Variants in ABCB7 observed in about 807,000 individuals in gnomAD.
The protein encoded by ABCB7 is iron-sulfur clusters transporter ABCB7, mitochondrial.
A neutral mutation model predicts 54.4 loss-of-function variants in ABCB7; 7 were observed. The ratio of observed to expected loss-of-function variants is 0.13; its 90% CI spans 0.07 to 0.24. The LOEUF (loss-of-function observed/expected upper bound fraction) is 0.24, where lower values mean the gene tolerates loss of function less well. ABCB7 is among the 10% of genes least tolerant of loss of function. The pLI is 1.00. For missense variants in ABCB7, 356 were observed against 570.4 expected (o/e 0.62, Z 3.83); for synonymous variants, 218 against 207.1 (o/e 1.05, Z -0.45).
intron 1 of ABCB7, among the ~76,000 whole-genome samples, chrX:75,142,564 T>C (rs1321059439): frequency 8.9e-6 from 1 of 111,916 alleles, no homozygotes; most frequent in African/African-American, 3.2e-5. Context: ...TTGCATACTT[T>C]CAAAGAATCT....
chrX:75,108,261 C>T (rs1050651495), intron 3 of ABCB7, among the ~76,000 whole-genome samples: 1 of 111,249 alleles, frequency 9.0e-6, no homozygotes, highest in Non-Finnish European at 1.9e-5. Flanking sequence ...CCATGCAAGG[C>T]CTGGGGGAAC....
intron 4 of ABCB7, among the ~76,000 whole-genome samples, chrX:75,079,160 T>C (rs1192290808): frequency 8.9e-6 from 1 of 112,038 alleles, no homozygotes; most frequent in Non-Finnish European, 1.9e-5. Context: ...GACGTGTGAG[T>C]GTCATCTGCA....
chrX:75,119,556 G>A (rs959539464), intron 1 of ABCB7, among the ~76,000 whole-genome samples: 25 of 111,949 alleles, frequency 2.2e-4, no homozygotes, highest in Non-Finnish European at 3.6e-4. Flanking sequence ...GGGTAGATAC[G>A]TCTATAAGGT....
chrX:75,126,975 A>C, intron 1 of ABCB7, among the ~76,000 whole-genome samples: 1 of 111,587 alleles, frequency 9.0e-6, no homozygotes, highest in Non-Finnish European at 1.9e-5. Flanking sequence ...ATTCTACCCG[A>C]GGTACAAAGA....
Position 75,071,654 on chromosome X carries a change from C to G in ABCB7, c.1062G>C (p.Gln354His). The G allele has an allele frequency of 8.4e-7, 1 of 1,192,005 alleles. No homozygotes were observed. Among genetic ancestry groups the G allele is most frequent in the Non-Finnish European group, 1.1e-6 (1 of 878,771 alleles). The change falls in exon 9 of 16, where the codon CAG becomes CAC. Residue 354 changes from glutamine (Q) to histidine (H), a missense_variant. Coordinates refer to ENST00000373394, the MANE Select transcript of ABCB7 (RefSeq NM_001271696.3). ...ACGTCTTCAAAAATCCATCATATCT[C>G]TGTGCTTCATATCTTTCATTATTAA... is the stretch of plus-strand genomic sequence containing the variant. ...KYFNNERYEAQRYDGFLKTYE... is the reference protein window; with the variant it reads ...KYFNNERYEAHRYDGFLKTYE...
At chrX:75,081,309 T>C (rs1354841920) in intron 4 of ABCB7, among the ~76,000 whole-genome samples, 1 of 111,398 alleles carries the variant, frequency 9.0e-6, no homozygotes, top group East Asian at 2.8e-4. Context: ...GGAATATTTA[T>C]GAACATGCTT....
chrX:75,136,649 A>C (rs189706490), intron 1 of ABCB7, among the ~76,000 whole-genome samples: 2 of 111,938 alleles, frequency 1.8e-5, no homozygotes, highest in East Asian at 5.6e-4. Context: ...CTACAAGGCT[A>C]TAGTAACTAA....
At chrX:75,119,691 T>A (rs2147533258) in intron 1 of ABCB7, among the ~76,000 whole-genome samples, 1 of 112,075 alleles carries the variant, frequency 8.9e-6, no homozygotes, top group Admixed American at 9.4e-5. Flanking sequence ...TTCTTTGGGC[T>A]GTATTTATAT....
chrX:75,055,711 G>T (rs1361210487), intron 15 of ABCB7, among the ~76,000 whole-genome samples: 1 of 110,174 alleles, frequency 9.1e-6, no homozygotes, highest in African/African-American at 3.3e-5. Flanking sequence ...ATCCAATCAG[G>T]ATCAACACAT....
chrX:75,139,867 T>C (rs1372206750), intron 1 of ABCB7, among the ~76,000 whole-genome samples: 1 of 111,975 alleles, frequency 8.9e-6, no homozygotes, highest in African/African-American at 3.2e-5. Flanking sequence ...TTTTAATGCA[T>C]TGTGAAGATG....
chrX:75,094,048 A>ATATATATATCTATC (rs1569229132), intron 4 of ABCB7, among the ~76,000 whole-genome samples: 1 of 22,727 alleles, frequency 4.4e-5, no homozygotes, highest in African/African-American at 6.0e-5. Context: ...ATATATATAT[A>ATATATATATCTATC]TATATCTATC....
At chrX:75,121,073 G>A (rs2147535403) in intron 1 of ABCB7, among the ~76,000 whole-genome samples, 1 of 110,188 alleles carries the variant, frequency 9.1e-6, no homozygotes, top group Non-Finnish European at 1.9e-5. Flanking sequence ...CGGATCACTT[G>A]GGGTCAGGAG....
chrX:75,133,145 T>C (rs1195276394), intron 1 of ABCB7, among the ~76,000 whole-genome samples: 2 of 111,990 alleles, frequency 1.8e-5, no homozygotes, highest in Non-Finnish European at 3.8e-5. Flanking sequence ...AGAACCAAAA[T>C]GAGCTAAATA....
intron 12 of ABCB7, among the ~76,000 whole-genome samples, chrX:75,066,688 TTAAA>T (rs66875277): frequency 0.12 from 13,580 of 110,586 alleles, 1,529 homozygotes; most frequent in East Asian, 0.9. Flanking sequence ...AAATTAAACT[TTAAA>T]TAATCCATAT....
In ABCB7 at chrX:75,151,943, C is replaced by G. The variant is rs141812258; in HGVS notation, c.168+4162G>C. 8.2e-3 allele frequency among the ~76,000 whole-genome samples: 908 copies of G among 111,168 alleles called. 11 individuals are homozygous for G. The highest frequency in any genetic ancestry group is 0.027 in the African/African-American group (834 of 30,517). On this transcript the variant is annotated intron_variant, in intron 1 of 15. Coordinates refer to ENST00000373394, the MANE Select transcript of ABCB7 (RefSeq NM_001271696.3). ...GTAAGGCTTACTCCTACCTCAAGAC[C>G]TCTTAATAGTATTCAATATCATTCC...
intron 1 of ABCB7, among the ~76,000 whole-genome samples, chrX:75,153,689 ATACT>A (rs1478966545): frequency 1.9e-5 from 2 of 105,093 alleles, no homozygotes; most frequent in Non-Finnish European, 3.9e-5. Flanking sequence ...TGGGTGAGAA[ATACT>A]TACAATGAAT....
At chrX:75,146,212 C>T (rs2082089718) in intron 1 of ABCB7, among the ~76,000 whole-genome samples, 1 of 111,668 alleles carries the variant, frequency 9.0e-6, no homozygotes, top group African/African-American at 3.3e-5. Context: ...TAGGAAGAAT[C>T]AATATAGTCA....
At chrX:75,060,422 G>T in intron 14 of ABCB7, 92 bp from the exon 15 acceptor site, 2 of 745,195 alleles carry the variant, frequency 2.7e-6, no homozygotes, top group South Asian at 2.3e-5. Flanking sequence ...TTTCCTAAAG[G>T]AACATAAAAA....
rs1013593232 is a variant in ABCB7, at chrX:75,088,131, T to G, written c.453+10811A>C. On this transcript the variant is annotated intron_variant, in intron 4 of 15. Coordinates refer to ENST00000373394, the MANE Select transcript of ABCB7 (RefSeq NM_001271696.3). ...TCCCCTAAAATTTGTCTAGCCCCCGTTTAGCAGGTTCTAGAGGAAATTCTA... is the reference window on the plus strand; with the variant it reads ...TCCCCTAAAATTTGTCTAGCCCCCGGTTAGCAGGTTCTAGAGGAAATTCTA... 3.6e-5 allele frequency among the ~76,000 whole-genome samples: 4 copies of G among 112,140 alleles called. No homozygotes were observed. The South Asian group carries it at 1.5e-3, about 42-fold the overall frequency.
Sources: allele counts gnomAD v4.1 joint callset (sites outside exome capture counted in the v4.1 genomes callset), GRCh38; gene constraint gnomAD v4.1.1; transcripts MANE v1.5; gene names NCBI Gene and HGNC (gene_info 2026-07-23, HGNC 2026-07-21).